Variants in DNAH11 observed in about 807,000 individuals in gnomAD.
DNAH11 encodes dynein axonemal heavy chain 11.
DNAH11 carries 442 observed loss-of-function variants against 526.0 expected under a neutral mutation model. The observed-to-expected ratio is 0.84, with a 90% CI of 0.78 to 0.91. The LOEUF (loss-of-function observed/expected upper bound fraction) is 0.91, where lower values mean the gene tolerates loss of function less well. DNAH11 is among the 40% of genes least tolerant of loss of function. DNAH11 has a pLI of 0.00. For missense variants in DNAH11, 6,989 were observed against 5,448.7 expected (o/e 1.28, Z -8.90); for synonymous variants, 2,461 against 1,935.9 (o/e 1.27, Z -7.12).
chr7:21,758,037 A>G (rs564072421), intron 54 of DNAH11, among the ~76,000 whole-genome samples: 10 of 152,282 alleles, frequency 6.6e-5, no homozygotes, highest in African/African-American at 1.7e-4. Flanking sequence ...GGCTTCATCC[A>G]TGAGAGAGGC....
intron 38 of DNAH11, 131 bp downstream of exon 38, chr7:21,704,759 C>A (rs1452525552): frequency 1.0e-6 from 1 of 994,310 alleles, no homozygotes; most frequent in Non-Finnish European, 1.4e-6. Context: ...TGCTTTCAAG[C>A]ATTTTCATAT....
chr7:21,649,210 A>G (rs1468236981), intron 28 of DNAH11, among the ~76,000 whole-genome samples: 1 of 152,214 alleles, frequency 6.6e-6, no homozygotes, highest in Non-Finnish European at 1.5e-5. Flanking sequence ...AGTTAGTACA[A>G]CTACTTGGGA....
Position 21,865,951 on chromosome 7 carries a change from G to A in DNAH11, c.11497-519G>A, listed in dbSNP as rs116418215. ...GTAAACTGTATGGCACTGGTGCAGTGTAGCAGTGAGGACAACCAGAGGTCA... is the reference window on the plus strand; with the variant it reads ...GTAAACTGTATGGCACTGGTGCAGTATAGCAGTGAGGACAACCAGAGGTCA... On this transcript the variant is annotated intron_variant, in intron 70 of 81. Coordinates refer to ENST00000409508, the MANE Select transcript of DNAH11 (RefSeq NM_001277115.2). Among the ~76,000 whole-genome samples, 1,459 of 152,300 alleles carry A rather than the reference G, an allele frequency of 9.6e-3. 26 individuals carry two copies. The highest frequency in any genetic ancestry group is 0.033 in the African/African-American group (1,364 of 41,556).
chr7:21,596,899 G>A (rs914054729), intron 14 of DNAH11, among the ~76,000 whole-genome samples: 4 of 152,212 alleles, frequency 2.6e-5, no homozygotes, highest in Non-Finnish European at 5.9e-5. Flanking sequence ...GTTTCCATAA[G>A]TTGGGTCTTT....
At chr7:21,868,104 C>T (rs368383457) in intron 72 of DNAH11, 97 bp downstream of exon 72, 1,337 of 697,236 alleles carry the variant, frequency 1.9e-3, no homozygotes, top group East Asian at 2.6e-3. Flanking sequence ...ATCTTAGTTT[C>T]TTTTTTTTTT....
chr7:21,890,150 T>C (rs1426319316), intron 76 of DNAH11, among the ~76,000 whole-genome samples: 1 of 152,196 alleles, frequency 6.6e-6, no homozygotes, highest in East Asian at 1.9e-4. Flanking sequence ...TGAGCAATAT[T>C]TTACTGATGA....
intron 25 of DNAH11, among the ~76,000 whole-genome samples, chr7:21,624,221 T>C (rs550869871): frequency 2.3e-4 from 35 of 152,294 alleles, no homozygotes; most frequent in African/African-American, 8.2e-4. Context: ...TTCAGTGTGT[T>C]TGTATTATCT....
intron 56 of DNAH11, among the ~76,000 whole-genome samples, chr7:21,778,692 C>T (rs1213696043): frequency 1.3e-5 from 2 of 152,192 alleles, no homozygotes; most frequent in Non-Finnish European, 1.5e-5. Context: ...GAGGGAAGAG[C>T]AACTTCCCTA....
intron 8 of DNAH11, among the ~76,000 whole-genome samples, chr7:21,579,658 A>G (rs1395754510): frequency 6.6e-6 from 1 of 152,242 alleles, no homozygotes; most frequent in Non-Finnish European, 1.5e-5. Context: ...TCCAGACCAC[A>G]TAGGGTCTTA....
chr7:21,738,768 G>C lies in DNAH11; in HGVS notation c.7713G>C (p.Leu2571Phe). The part of the protein sequence containing the change: ...HNYGPGGNKK[L>F]IYFIDDMNMP... Reference sequence around the variant, plus strand: ...ATGGTCCTGGAGGAAATAAAAAATTGATTTATTTTATCGACGACATGAACA... The same window carrying C: ...ATGGTCCTGGAGGAAATAAAAAATTCATTTATTTTATCGACGACATGAACA... Residue 2571 changes from leucine to phenylalanine, a missense_variant, in exon 47 of 82, where the codon TTG becomes TTC. Transcript: ENST00000409508. 2 of 1,591,464 alleles carry C rather than the reference G, an allele frequency of 1.3e-6. No individual in the cohort carries two copies. The highest frequency in any genetic ancestry group is 1.7e-6 in the Non-Finnish European group (2 of 1,167,968).
At chr7:21,768,081 A>G (rs1279502271) in intron 55 of DNAH11, among the ~76,000 whole-genome samples, 2 of 152,202 alleles carry the variant, frequency 1.3e-5, no homozygotes, top group Non-Finnish European at 2.9e-5. Flanking sequence ...CTAATATTGA[A>G]CTAAATGACA....
chr7:21,882,858 A>G (rs1442885395), intron 75 of DNAH11, among the ~76,000 whole-genome samples: 5 of 152,106 alleles, frequency 3.3e-5, no homozygotes, highest in Non-Finnish European at 1.5e-5. Context: ...ACAGATAATT[A>G]TTTAAATAAT....
intron 65 of DNAH11, among the ~76,000 whole-genome samples, chr7:21,831,861 C>T (rs113183560): frequency 0.031 from 4,647 of 152,210 alleles, 111 homozygotes; most frequent in Middle Eastern, 0.044. Context: ...GAGGCTGAGA[C>T]GGGTGGATCA....
chr7:21,866,832 T>C (rs1366036346), intron 71 of DNAH11, among the ~76,000 whole-genome samples, 169 bp downstream of exon 71: 5 of 152,168 alleles, frequency 3.3e-5, no homozygotes, highest in African/African-American at 1.2e-4. Context: ...TGCTAAACAC[T>C]AAACCATGTG....
chr7:21,806,739 A>C (rs10950876), intron 62 of DNAH11, among the ~76,000 whole-genome samples: 5 of 152,038 alleles, frequency 3.3e-5, no homozygotes, highest in Non-Finnish European at 5.9e-5. Flanking sequence ...CGTACATTGA[A>C]ACAAAATAAA....
chr7:21,616,979 C>T (rs1785811853), intron 22 of DNAH11, among the ~76,000 whole-genome samples: 1 of 152,178 alleles, frequency 6.6e-6, no homozygotes, highest in South Asian at 2.1e-4. Flanking sequence ...TATTTTCCCC[C>T]ATATTATGCC....
At chr7:21,857,914 A>T (rs1258132753) in intron 68 of DNAH11, among the ~76,000 whole-genome samples, 1 of 152,188 alleles carries the variant, frequency 6.6e-6, no homozygotes, top group Non-Finnish European at 1.5e-5. Flanking sequence ...TAGAAAATAA[A>T]AACTTAATAA....
At chr7:21,877,768 G>A (rs997385649) in intron 74 of DNAH11, among the ~76,000 whole-genome samples, 1 of 151,406 alleles carries the variant, frequency 6.6e-6, no homozygotes, top group South Asian at 2.1e-4. Context: ...CCAGCTACTC[G>A]GGAGGCTGAG....
chr7:21,715,835 G>A (rs572051369), intron 42 of DNAH11, among the ~76,000 whole-genome samples: 2 of 149,220 alleles, frequency 1.3e-5, no homozygotes, highest in East Asian at 4.1e-4. Context: ...TTGATCCCTA[G>A]TAGAGGTAAT....
Sources: allele counts gnomAD v4.1 joint callset (sites outside exome capture counted in the v4.1 genomes callset), GRCh38; gene constraint gnomAD v4.1.1; transcripts MANE v1.5; gene names NCBI Gene and HGNC (gene_info 2026-07-23, HGNC 2026-07-21).